CLSTN2: variants seen among roughly 807,000 people sequenced by gnomAD.
CLSTN2 encodes calsyntenin-2.
CLSTN2 carries 48 observed loss-of-function variants against 101.2 expected under a neutral mutation model. The observed-to-expected ratio is 0.47, with a 90% CI of 0.38 to 0.60. The LOEUF (loss-of-function observed/expected upper bound fraction) is 0.60. Ranked by LOEUF, CLSTN2 falls within the 20% of genes least tolerant of loss-of-function variation. The pLI, the probability that CLSTN2 is intolerant of heterozygous loss-of-function variation, is 0.00. For synonymous variants in CLSTN2, 481 were observed against 463.6 expected (o/e 1.04, Z -0.48); for missense variants, 1,160 against 1,238.2 (o/e 0.94, Z 0.95).
Position 140,349,113 on chromosome 3 carries a change from T to TAGGGGG in CLSTN2, c.233-54515_233-54510dup, listed in dbSNP as rs1437718639. Among the ~76,000 whole-genome samples, 14 of 152,344 alleles carry TAGGGGG rather than the reference T, an allele frequency of 9.2e-5. No homozygotes were observed. In the East Asian group the frequency reaches 2.5e-3, roughly 27 times the overall value. The stretch of plus-strand genomic sequence containing the variant: ...AGCGAGTTCTTATGAGGTGGTTTTA[T>TAGGGGG]AGGGGGCTTCTCCCCAGTTCCCTCT... On this transcript the variant is annotated intron_variant, in intron 2 of 16. Transcript: ENST00000458420.
intron 1 of CLSTN2, among the ~76,000 whole-genome samples, chr3:140,149,300 A>G (rs2009826809): frequency 6.6e-6 from 1 of 152,224 alleles, no homozygotes; most frequent in African/African-American, 2.4e-5. Flanking sequence ...GCTTGGGTGC[A>G]GGTAAATGGA....
rs141578609 is a variant in CLSTN2 at position 140,234,967 on chromosome 3, C to T, written c.232+58894C>T. Among the ~76,000 whole-genome samples the T allele has an allele frequency of 3.0e-3, 462 of 152,302 alleles. 3 individuals carry two copies. The highest frequency in any genetic ancestry group is 5.5e-3 in the Non-Finnish European group (377 of 68,022). On this transcript the variant is annotated intron_variant, in intron 2 of 16. Transcript: ENST00000458420. ...ACCGCCACAGAGTTCCCCTCTTTCC[C>T]GGAGCTCACACAACTCCAGAAGAAG...
chr3:140,088,447 G>A (rs1211359666), intron 1 of CLSTN2, among the ~76,000 whole-genome samples: 1 of 152,088 alleles, frequency 6.6e-6, no homozygotes, highest in Non-Finnish European at 1.5e-5. Context: ...TGAAAGTCTT[G>A]TATTTTTAAT....
At chr3:140,048,366 A>G (rs1158112853) in intron 1 of CLSTN2, among the ~76,000 whole-genome samples, 2 of 152,228 alleles carry the variant, frequency 1.3e-5, no homozygotes, top group African/African-American at 2.4e-5. Context: ...GGCACTAACC[A>G]ACAACTGGTG....
intron 4 of CLSTN2, among the ~76,000 whole-genome samples, chr3:140,405,082 C>A (rs2088287779): frequency 6.6e-6 from 1 of 152,154 alleles, no homozygotes; most frequent in South Asian, 2.1e-4. Flanking sequence ...AGTTGTCATC[C>A]AGATGTGAGC....
At chr3:139,980,273 A>G (rs1273323883) in intron 1 of CLSTN2, among the ~76,000 whole-genome samples, 1 of 151,916 alleles carries the variant, frequency 6.6e-6, no homozygotes, top group East Asian at 1.9e-4. Flanking sequence ...AGCTTCATCC[A>G]CACTGTTCTT....
chr3:140,230,665 C>G (rs903619627), intron 2 of CLSTN2, among the ~76,000 whole-genome samples: 2 of 152,186 alleles, frequency 1.3e-5, no homozygotes, highest in Non-Finnish European at 2.9e-5. Context: ...TCTGCCGGTG[C>G]TTTAATCTTA....
chr3:140,003,995 T>G (rs920823665), intron 1 of CLSTN2, among the ~76,000 whole-genome samples: 1 of 152,224 alleles, frequency 6.6e-6, no homozygotes, highest in Non-Finnish European at 1.5e-5. Context: ...TGTATGCTCG[T>G]CATTGCATAT....
chr3:140,512,861 T>C (rs1934841708), intron 8 of CLSTN2, among the ~76,000 whole-genome samples: 1 of 152,192 alleles, frequency 6.6e-6, no homozygotes. Flanking sequence ...AGGTATTTTA[T>C]TCTTATTGTG....
At chr3:140,462,097 G>A (rs1933578222) in intron 7 of CLSTN2, among the ~76,000 whole-genome samples, 1 of 152,032 alleles carries the variant, frequency 6.6e-6, no homozygotes. Context: ...CTAACCACTA[G>A]GGAAATATTT....
intron 1 of CLSTN2, among the ~76,000 whole-genome samples, chr3:140,083,942 TC>T (rs1375124318): frequency 6.6e-6 from 1 of 152,214 alleles, no homozygotes; most frequent in Non-Finnish European, 1.5e-5. Context: ...TCAGTAAGCA[TC>T]AAAAGTGGAC....
intron 1 of CLSTN2, among the ~76,000 whole-genome samples, chr3:139,979,478 A>G (rs1935877892): frequency 6.6e-6 from 1 of 152,184 alleles, no homozygotes; most frequent in African/African-American, 2.4e-5. Flanking sequence ...CTCACACACC[A>G]CAGCCCGCAC....
intron 2 of CLSTN2, among the ~76,000 whole-genome samples, chr3:140,369,671 A>G (rs2087828880): frequency 6.6e-6 from 1 of 152,192 alleles, no homozygotes; most frequent in Non-Finnish European, 1.5e-5. Context: ...TTTGGACCAA[A>G]CATGCTGCTC....
At chr3:140,411,435 T>C (rs546761355) in intron 4 of CLSTN2, among the ~76,000 whole-genome samples, 33 of 152,298 alleles carry the variant, frequency 2.2e-4, no homozygotes, top group African/African-American at 7.7e-4. Context: ...AAAGTAAATA[T>C]GAACAAATCT....
At position 140,172,609 on chromosome 3, in the gene CLSTN2, C is replaced by T. The variant is rs371598919; in HGVS notation, c.110-3342C>T. On this transcript the variant is annotated intron_variant, in intron 1 of 16. Coordinates refer to ENST00000458420, the MANE Select transcript of CLSTN2 (RefSeq NM_022131.3). ...TGGGTGGATTAGTCCATTTTCTTGC[C>T]GCTGATAAAGACATACTCAAGACTA... Among the ~76,000 whole-genome samples the T allele has an allele frequency of 1.4e-4, 21 of 152,124 alleles. No individual in the cohort carries two copies. In the East Asian group the frequency reaches 3.3e-3, roughly 24 times the overall value.
chr3:140,388,141 C>T (rs2088074206), intron 2 of CLSTN2, among the ~76,000 whole-genome samples: 2 of 152,212 alleles, frequency 1.3e-5, no homozygotes, highest in Non-Finnish European at 2.9e-5. Context: ...CCACTACAGG[C>T]TGTGTTGAGT....
At chr3:140,385,724 C>G (rs191302521) in intron 2 of CLSTN2, among the ~76,000 whole-genome samples, 1 of 152,258 alleles carries the variant, frequency 6.6e-6, no homozygotes, top group East Asian at 1.9e-4. Flanking sequence ...GGGCTTCTCT[C>G]TGCCTGAAGA....
rs1251787571 is a variant in CLSTN2 at position 140,481,578 on chromosome 3, G to C, written c.1344+14847G>C. ...CACGATATTGATTCTTCCTACCCATGAGCATGGAATGTTCTTCCATTTCTT... is the reference window on the plus strand; with the variant it reads ...CACGATATTGATTCTTCCTACCCATCAGCATGGAATGTTCTTCCATTTCTT... On this transcript the variant is annotated intron_variant, in intron 8 of 16. Coordinates refer to ENST00000458420, the MANE Select transcript of CLSTN2 (RefSeq NM_022131.3). Among the ~76,000 whole-genome samples the C allele has an allele frequency of 2.0e-5, 3 of 152,334 alleles. No homozygotes were observed. In the East Asian group the frequency reaches 5.8e-4, roughly 29 times the overall value.
In CLSTN2 at chr3:140,556,760, C is replaced by A. The variant is rs958333368; in HGVS notation, c.1823+99C>A. 7.4e-6 allele frequency: 9 copies of A among 1,224,232 alleles called. No homozygotes were observed. The Admixed American group carries it at 1.3e-4, about 18-fold the overall frequency. 75.8% of individuals were successfully genotyped at this position (1,224,232 alleles called of 1,614,324 possible). A position where few individuals can be genotyped will look rare whatever the true frequency, so the allele number is the denominator to read the frequency against. ...ATGTTCCCTCACAAAACAGGAGTTG[C>A]CTTTCGTCAGCTGTCCTCAACTTCT... On this transcript the variant is annotated intron_variant, in intron 11 of 16. Coordinates refer to ENST00000458420, the MANE Select transcript of CLSTN2 (RefSeq NM_022131.3).
Sources: gnomAD v4.1 joint callset for allele counts (sites outside exome capture counted in the v4.1 genomes callset) on GRCh38, gnomAD v4.1.1 for gene constraint, MANE v1.5 for transcripts, NCBI Gene and HGNC (gene_info 2026-07-23, HGNC 2026-07-21) for gene names.